OGN: variants seen among roughly 807,000 people sequenced by gnomAD.
OGN encodes the protein osteoglycin.
A neutral mutation model predicts 30.8 loss-of-function variants in OGN; 19 were observed. The observed-to-expected ratio is 0.62, with a 90% CI of 0.43 to 0.90. The LOEUF (loss-of-function observed/expected upper bound fraction) is 0.90, where lower values mean the gene tolerates loss of function less well. Among genes scored for constraint, OGN ranks in the 40% least tolerant of loss-of-function variants. The pLI is 0.00. For missense variants in OGN, 283 were observed against 349.7 expected, an observed-to-expected ratio of 0.81 and a Z score of 1.52; for synonymous variants, 126 against 128.3, an observed-to-expected ratio of 0.98 and a Z score of 0.12.
At chr9:92,391,212 C>T (rs902909670) in intron 4 of OGN, among the ~76,000 whole-genome samples, 21 of 149,536 alleles carry the variant, frequency 1.4e-4, no homozygotes, top group African/African-American at 4.4e-4. Flanking sequence ...CTGGCTAACA[C>T]GGTGAAACCC....
intron 2 of OGN, among the ~76,000 whole-genome samples, chr9:92,402,490 G>C (rs1843157353): frequency 6.6e-6 from 1 of 152,080 alleles, no homozygotes; most frequent in Non-Finnish European, 1.5e-5. Context: ...ATACATAGTG[G>C]GCAACAGATA....
At position 92,403,312 on chromosome 9, in the gene OGN, A is replaced by G; in HGVS notation, c.96T>C (p.Asp32=). 2 of 1,612,788 alleles carry G rather than the reference A, an allele frequency of 1.2e-6. No individual in the cohort carries two copies. The highest frequency in any genetic ancestry group is 1.1e-5 in the South Asian group (1 of 91,004). ...PTQQDSRIIY[D]YGTDNFEESI... Reference sequence around the variant, plus strand: ...ATTCTTCAAAATTATCTGTTCCATAATCATAGATAATGCGTGAGTCCTGCT... The same window carrying G: ...ATTCTTCAAAATTATCTGTTCCATAGTCATAGATAATGCGTGAGTCCTGCT... The change falls in exon 2 of 7, where the codon GAT becomes GAC. Residue 32 remains aspartate (D), a synonymous_variant. Coordinates refer to ENST00000375561, the MANE Select transcript of OGN (RefSeq NM_014057.5).
intron 3 of OGN, among the ~76,000 whole-genome samples, chr9:92,396,979 C>T (rs1336788556): frequency 6.6e-6 from 1 of 151,574 alleles, no homozygotes; most frequent in African/African-American, 2.4e-5. Flanking sequence ...AGTTTGAGAC[C>T]AACCTGGGCA....
intron 2 of OGN, among the ~76,000 whole-genome samples, chr9:92,401,449 T>C (rs1276026637): frequency 6.6e-6 from 1 of 152,216 alleles, no homozygotes; most frequent in Non-Finnish European, 1.5e-5. Flanking sequence ...CACTCAGTGC[T>C]TAATAAATGT....
upstream of OGN, chr9:92,404,644 A>C (rs200929817): frequency 7.9e-7 from 1 of 1,271,510 alleles, no homozygotes; most frequent in Non-Finnish European, 1.0e-6. Flanking sequence ...CTTTAAGAAC[A>C]GTTTCCATGT....
chr9:92,402,485 T>C (rs1338980313), intron 2 of OGN, among the ~76,000 whole-genome samples: 4 of 152,212 alleles, frequency 2.6e-5, no homozygotes, highest in Non-Finnish European at 5.9e-5. Context: ...GTGTCATACA[T>C]AGTGGGCAAC....
chr9:92,386,937 A>G (rs1221505116), intron 5 of OGN, among the ~76,000 whole-genome samples: 2 of 150,662 alleles, frequency 1.3e-5, no homozygotes, highest in Non-Finnish European at 2.9e-5. Flanking sequence ...AGTCCCAGCT[A>G]CTCGGGAGGC....
chr9:92,403,125 A>G (rs1564302052), intron 2 of OGN, 109 bp downstream of exon 2: 1 of 658,048 alleles, frequency 1.5e-6, no homozygotes, highest in Non-Finnish European at 2.5e-6. Flanking sequence ...GAATCATTTA[A>G]AGTGATTTTC....
At chr9:92,399,469 C>A (rs370267555) in intron 3 of OGN, among the ~76,000 whole-genome samples, 2 of 151,872 alleles carry the variant, frequency 1.3e-5, no homozygotes, top group Non-Finnish European at 1.5e-5. Flanking sequence ...AGCTCTTTAT[C>A]TAGTGATATT....
Position 92,386,231 on chromosome 9 carries a change from T to C in OGN, c.696A>G (p.Leu232=). ...GATGAATTACACGTAGACTTTCTGGTAAATTAAGAGGCACGGATTCCAGGG... is the reference window on the plus strand; with the variant it reads ...GATGAATTACACGTAGACTTTCTGGCAAATTAAGAGGCACGGATTCCAGGG... ...HNALESVPLN[L]PESLRVIHLQ... The change falls in exon 6 of 7, where the codon TTA becomes TTG. Residue 232 remains leucine, a synonymous_variant. Transcript: ENST00000375561. 1 of 1,613,144 alleles carries C rather than the reference T, an allele frequency of 6.2e-7. No individual in the cohort carries two copies. Among genetic ancestry groups the C allele is most frequent in the South Asian group, 1.1e-5 (1 of 91,062 alleles).
intron 2 of OGN, 143 bp downstream of exon 2, chr9:92,403,091 G>A (rs1264424560): frequency 7.1e-6 from 4 of 562,976 alleles, no homozygotes; most frequent in Non-Finnish European, 1.2e-5. Flanking sequence ...TACAATCTTA[G>A]GGACAATTAT....
intron 3 of OGN, among the ~76,000 whole-genome samples, chr9:92,400,275 GA>G (rs1400941450): frequency 3.9e-5 from 6 of 151,904 alleles, no homozygotes; most frequent in Admixed American, 2.0e-4. Context: ...TCAGCTTCCC[GA>G]GTAGCTGGGA....
intron 3 of OGN, among the ~76,000 whole-genome samples, chr9:92,393,632 A>T (rs938663758): frequency 1.2e-4 from 18 of 152,246 alleles, no homozygotes; most frequent in African/African-American, 4.3e-4. Context: ...CTAGTTAAGT[A>T]AGGAAGCCAT....
At chr9:92,390,778 A>G (rs763923036) in intron 4 of OGN, among the ~76,000 whole-genome samples, 2 of 152,212 alleles carry the variant, frequency 1.3e-5, no homozygotes, top group Non-Finnish European at 2.9e-5. Flanking sequence ...TCCATCAACT[A>G]TTAGTATATA....
Position 92,385,396 on chromosome 9 carries a change from A to G in OGN, c.*224T>C, listed in dbSNP as rs372292035. On this transcript the variant is annotated 3_prime_UTR_variant, in exon 7 of 7. Transcript: ENST00000375561. ...GTCTAGTATAAACTAGGATTTTGTA[A>G]TGCTGTTTAAATATTTTCATATTAC... 2.2e-6 allele frequency: 1 copy of G among 450,610 alleles called. No individual in the cohort carries two copies. The allele number at this position is 450,610 out of a possible 1,614,324, so 27.9% of individuals were successfully genotyped here. A position where few individuals can be genotyped will look rare whatever the true frequency, so the allele number is the denominator to read the frequency against.
chr9:92,390,183 A>T, intron 4 of OGN, 127 bp from the exon 5 acceptor site: 1 of 598,376 alleles, frequency 1.7e-6, no homozygotes, highest in Non-Finnish European at 2.9e-6. Context: ...GACTGTTTAC[A>T]ATTCATAGCC....
intron 4 of OGN, among the ~76,000 whole-genome samples, chr9:92,392,101 G>T (rs1047464622): frequency 1.3e-5 from 2 of 152,054 alleles, no homozygotes; most frequent in Non-Finnish European, 1.5e-5. Context: ...ATTTGGTACT[G>T]CAGAAATGGA....
intron 3 of OGN, 57 bp from the exon 4 acceptor site, chr9:92,393,301 CTAG>C (rs923895761): frequency 3.3e-5 from 46 of 1,374,266 alleles, no homozygotes; most frequent in African/African-American, 8.8e-5. Context: ...TATTTCTCCT[CTAG>C]TAGTAAAATT....
chr9:92,390,124 C>T (rs1450704165), intron 4 of OGN, 68 bp from the exon 5 acceptor site: 6 of 908,468 alleles, frequency 6.6e-6, no homozygotes, highest in African/African-American at 3.3e-5. Context: ...TGAAGAAAAG[C>T]ATTTGTTTAA....
Sources: allele counts gnomAD v4.1 joint callset (sites outside exome capture counted in the v4.1 genomes callset), GRCh38; gene constraint gnomAD v4.1.1; transcripts MANE v1.5; gene names NCBI Gene and HGNC (gene_info 2026-07-23, HGNC 2026-07-21).